The following CNNM2 variants were observed in gnomAD, a reference collection of about 807,000 sequenced individuals.
The protein encoded by CNNM2 is cyclin and CBS domain divalent metal cation transport mediator 2.
CNNM2 carries 12 observed loss-of-function variants against 66.9 expected under a neutral mutation model. That is an observed-to-expected ratio of 0.18 (90% CI 0.11 to 0.29). The LOEUF (loss-of-function observed/expected upper bound fraction) is 0.29. Ranked by LOEUF, CNNM2 falls within the 10% of genes least tolerant of loss-of-function variation. The pLI is 1.00. For missense variants in CNNM2, 705 were observed against 1,167.7 expected (o/e 0.60, Z 5.77); for synonymous variants, 557 against 501.8 (o/e 1.11, Z -1.47).
In CNNM2 at chr10:103,085,856, G is replaced by A. The variant is rs1157487662; in HGVS notation, c.*8676G>A. 1 of 152,180 alleles carries A rather than the reference G, an allele frequency of 6.6e-6. No individual in the cohort carries two copies. Among genetic ancestry groups the A allele is most frequent in the African/African-American group, 2.4e-5 (1 of 41,452 alleles). 9.4% of individuals were successfully genotyped at this position (152,180 alleles called of 1,614,324 possible). A position where few individuals can be genotyped will look rare whatever the true frequency, so the allele number is the denominator to read the frequency against. ...CAGACTGTTGTGGCCTTGGGATGAAGACATTGTGTGTGAGGACAGGGAAAA... is the reference window on the plus strand; with the variant it reads ...CAGACTGTTGTGGCCTTGGGATGAAAACATTGTGTGTGAGGACAGGGAAAA... On this transcript the variant is annotated 3_prime_UTR_variant, in exon 8 of 8. Coordinates refer to ENST00000369878, the MANE Select transcript of CNNM2 (RefSeq NM_017649.5).
chr10:102,940,003 A>AACAAAAAC lies in CNNM2; in HGVS notation c.1621+19903_1621+19904insCAAAAACA, dbSNP rs1554889978. On this transcript the variant is annotated intron_variant, in intron 1 of 7. Transcript: ENST00000369878. ...CAAACAACAACAACAACAACAACAAAAAAAAAACCGCCATGTAGGAGACGG... is the reference window on the plus strand; with the variant it reads ...CAAACAACAACAACAACAACAACAAAACAAAAACAAAAAAACCGCCATGTAGGAGACGG... 0.3 allele frequency among the ~76,000 whole-genome samples: 45,081 copies of AACAAAAAC among 150,470 alleles called. 6,828 individuals carry two copies. The highest frequency in any genetic ancestry group is 0.37 in the Middle Eastern group (109 of 294).
intron 1 of CNNM2, among the ~76,000 whole-genome samples, chr10:102,952,030 C>T (rs1417365704): frequency 6.6e-6 from 1 of 151,920 alleles, no homozygotes; most frequent in South Asian, 2.1e-4. Context: ...CTCGAGCTCC[C>T]GACCTCAGTT....
intron 5 of CNNM2, among the ~76,000 whole-genome samples, chr10:103,069,769 C>T (rs532124287): frequency 1.2e-4 from 19 of 152,344 alleles, no homozygotes; most frequent in African/African-American, 1.4e-4. Flanking sequence ...CCGAACAGGT[C>T]GGGCAGGTCG....
rs1307540476 is a variant in CNNM2, at chr10:103,089,832, C to T, written c.*12652C>T. 2 of 1,613,964 alleles carry T rather than the reference C, an allele frequency of 1.2e-6. No homozygotes were observed. The highest frequency in any genetic ancestry group is 1.7e-5 in the Admixed American group (1 of 60,002). On this transcript the variant is annotated 3_prime_UTR_variant, in exon 8 of 8. Coordinates refer to ENST00000369878, the MANE Select transcript of CNNM2 (RefSeq NM_017649.5). ...AGTGTCTTTGAAATCCACTGATGTG[C>T]GGTTCCGGGTGGCAAGAGGAGACTC...
In CNNM2 at chr10:103,063,192, G is replaced by A. The variant is rs2065417781; in HGVS notation, c.2074-5437G>A. On this transcript the variant is annotated intron_variant, in intron 4 of 7. Transcript: ENST00000369878. ...TAAATTTAGCAAACTTGCTGAGTCTGGCCATTCCATTGCAGACTCCAGATT... is the reference window on the plus strand; with the variant it reads ...TAAATTTAGCAAACTTGCTGAGTCTAGCCATTCCATTGCAGACTCCAGATT... Among the ~76,000 whole-genome samples, 5 of 152,280 alleles carry A rather than the reference G, an allele frequency of 3.3e-5. No individual in the cohort carries two copies. The South Asian group carries it at 1.0e-3, about 32-fold the overall frequency.
At chr10:103,051,415 G>A (rs1031724995) in intron 2 of CNNM2, among the ~76,000 whole-genome samples, 2 of 149,476 alleles carry the variant, frequency 1.3e-5, no homozygotes, top group African/African-American at 4.9e-5. Flanking sequence ...TGGTGACAGA[G>A]CCAGACTCTC....
Position 103,089,838 on chromosome 10 carries a change from C to T in CNNM2, c.*12658C>T, listed in dbSNP as rs760164136. On this transcript the variant is annotated 3_prime_UTR_variant, in exon 8 of 8. Transcript: ENST00000369878. Reference sequence around the variant, plus strand: ...TTTGAAATCCACTGATGTGCGGTTCCGGGTGGCAAGAGGAGACTCCATCTC... The same window carrying T: ...TTTGAAATCCACTGATGTGCGGTTCTGGGTGGCAAGAGGAGACTCCATCTC... 2 of 1,613,974 alleles carry T rather than the reference C, an allele frequency of 1.2e-6. No individual in the cohort carries two copies. Among genetic ancestry groups the T allele is most frequent in the Non-Finnish European group, 1.7e-6 (2 of 1,179,990 alleles).
In CNNM2 at chr10:103,039,466, C is replaced by T. The variant is rs955400998; in HGVS notation, c.1622-10241C>T. ...ATACTAGGTTGATCTCCACAGTAGT[C>T]CGAAGACTTGCAAGGCACATATCAG... is the stretch of plus-strand genomic sequence containing the variant. On this transcript the variant is annotated intron_variant, in intron 1 of 7. Coordinates refer to ENST00000369878, the MANE Select transcript of CNNM2 (RefSeq NM_017649.5). Among the ~76,000 whole-genome samples, 16 of 152,126 alleles carry T rather than the reference C, an allele frequency of 1.1e-4. No individual in the cohort carries two copies. In the East Asian group the frequency reaches 3.1e-3, roughly 29 times the overall value.
intron 1 of CNNM2, among the ~76,000 whole-genome samples, chr10:103,004,648 T>C (rs2134261088): frequency 6.6e-6 from 1 of 152,312 alleles, no homozygotes; most frequent in East Asian, 1.9e-4. Context: ...AGGATATGCT[T>C]GTGTTTGGTT....
intron 1 of CNNM2, among the ~76,000 whole-genome samples, chr10:103,049,442 G>A (rs2065181150): frequency 6.6e-6 from 1 of 152,272 alleles, no homozygotes; most frequent in Admixed American, 6.5e-5. Context: ...TACGCAACAA[G>A]AGACATTACC....
In CNNM2 at chr10:103,010,863, C is replaced by A. The variant is rs182626475; in HGVS notation, c.1622-38844C>A. ...CCTGACCACAGGTGATCCACTCCCC[C>A]CAGCCTCCCAGGGTGCTGGGATTAC... is the stretch of plus-strand genomic sequence containing the variant. On this transcript the variant is annotated intron_variant, in intron 1 of 7. Transcript: ENST00000369878. Among the ~76,000 whole-genome samples the A allele has an allele frequency of 2.3e-3, 348 of 152,170 alleles. 4 individuals carry two copies. Among genetic ancestry groups the A allele is most frequent in the African/African-American group, 7.9e-3 (330 of 41,518 alleles).
At position 103,083,543 on chromosome 10, in the gene CNNM2, A is replaced by G. The variant is rs532598677; in HGVS notation, c.*6363A>G. On this transcript the variant is annotated 3_prime_UTR_variant, in exon 8 of 8. Coordinates refer to ENST00000369878, the MANE Select transcript of CNNM2 (RefSeq NM_017649.5). ...TCTCAGCATGACAACATAGAAGAGC[A>G]TCTTCTTTGGACAGTGTAAAGTCTT... The G allele has an allele frequency of 2.6e-5, 4 of 152,362 alleles. No homozygotes were observed. The highest frequency in any genetic ancestry group is 9.6e-5 in the African/African-American group (4 of 41,586). The allele number at this position is 152,362 out of a possible 1,614,324, so 9.4% of individuals were successfully genotyped here.
chr10:103,076,879 T>C (rs375295258), intron 7 of CNNM2, 92 bp from the exon 8 acceptor site: 3 of 1,135,724 alleles, frequency 2.6e-6, no homozygotes, highest in Non-Finnish European at 2.6e-6. Flanking sequence ...GAGAGGCTGC[T>C]GTGGGCCTGT....
chr10:103,032,294 G>C (rs1346937488), intron 1 of CNNM2, among the ~76,000 whole-genome samples: 4 of 151,826 alleles, frequency 2.6e-5, no homozygotes, highest in African/African-American at 9.7e-5. Context: ...TACTAAAAAA[G>C]ACAAAAAACA....
chr10:103,054,310 CTT>C lies in CNNM2; in HGVS notation c.1766-16_1766-15del. 6.2e-7 allele frequency: 1 copy of C among 1,605,990 alleles called. No homozygotes were observed. The highest frequency in any genetic ancestry group is 8.5e-7 in the Non-Finnish European group (1 of 1,177,314). On this transcript the variant is annotated splice_polypyrimidine_tract_variant and intron_variant, in intron 2 of 7. Coordinates refer to ENST00000369878, the MANE Select transcript of CNNM2 (RefSeq NM_017649.5). This position sits in a 1 kb window ranked among gnomAD's most constrained non-coding sequence, Gnocchi z 5.2. ...GGGATGCATTTCTTTTTTTTTCTCT[CTT>C]TTAATTCCTCCCTTAGCTGACAACA...
At chr10:102,941,528 C>T (rs1263223231) in intron 1 of CNNM2, among the ~76,000 whole-genome samples, 1 of 151,226 alleles carries the variant, frequency 6.6e-6, no homozygotes, top group African/African-American at 2.5e-5. Flanking sequence ...CCAGCAGCTA[C>T]AGTGACCTCT....
At chr10:103,055,073 A>G (rs1564863638) in intron 3 of CNNM2, among the ~76,000 whole-genome samples, 1 of 152,208 alleles carries the variant, frequency 6.6e-6, no homozygotes, top group Non-Finnish European at 1.5e-5. Flanking sequence ...TCAGGAGGCA[A>G]GTGTTCATGT....
At chr10:102,941,870 C>G (rs1014163747) in intron 1 of CNNM2, among the ~76,000 whole-genome samples, 1 of 152,174 alleles carries the variant, frequency 6.6e-6, no homozygotes, top group Non-Finnish European at 1.5e-5. Context: ...TGCTGCGTTG[C>G]CAGGGCCCAC....
chr10:102,987,797 A>G (rs1465188819), intron 1 of CNNM2, among the ~76,000 whole-genome samples: 1 of 152,046 alleles, frequency 6.6e-6, no homozygotes, highest in Admixed American at 6.6e-5. Context: ...CAAGATTGTC[A>G]CCCCCAACAG....
Sources: gnomAD v4.1 joint callset for allele counts (sites outside exome capture counted in the v4.1 genomes callset) on GRCh38, gnomAD v4.1.1 for gene constraint, Gnocchi (gnomAD v3.1) non-coding constraint, MANE v1.5 for transcripts, NCBI Gene and HGNC (gene_info 2026-07-23, HGNC 2026-07-21) for gene names.